The following HNRNPC variants were observed in gnomAD, a reference collection of about 807,000 sequenced individuals.
HNRNPC encodes the protein heterogeneous nuclear ribonucleoproteins C1/C2.
A neutral mutation model predicts 33.2 loss-of-function variants in HNRNPC; 3 were observed. The ratio of observed to expected loss-of-function variants is 0.09; its 90% CI spans 0.04 to 0.23. HNRNPC has a LOEUF of 0.23. Ranked by LOEUF, HNRNPC falls within the 10% of genes least tolerant of loss-of-function variation. The pLI is 1.00. For synonymous variants in HNRNPC, 121 were observed against 126.7 expected, an observed-to-expected ratio of 0.96 and a Z score of 0.30; for missense variants, 143 against 366.7, an observed-to-expected ratio of 0.39 and a Z score of 4.98.
At chr14:21,211,672 C>T in intron 7 of HNRNPC, 106 bp from the exon 8 acceptor site, 1 of 1,438,296 alleles carries the variant, frequency 7.0e-7, no homozygotes, top group Non-Finnish European at 9.6e-7. Context: ...AATCCTCCCA[C>T]ACAAATACCC....
rs145378627 is a variant in HNRNPC at position 21,240,190 on chromosome 14, G to C, written c.-36-5961C>G. ...TAGTGGGAAGGACAAGAAATTTCCT[G>C]AATATAGAAATTTGCCTCTACTCGC... On this transcript the variant is annotated intron_variant, in intron 2 of 8. Transcript: ENST00000553300. Among the ~76,000 whole-genome samples the C allele has an allele frequency of 8.0e-3, 1,211 of 152,210 alleles. 20 individuals carry two copies. Among genetic ancestry groups the C allele is most frequent in the African/African-American group, 0.028 (1,156 of 41,514 alleles).
intron 2 of HNRNPC, among the ~76,000 whole-genome samples, chr14:21,251,580 G>A (rs1341938758): frequency 6.6e-6 from 1 of 152,048 alleles, no homozygotes; most frequent in Non-Finnish European, 1.5e-5. Context: ...TACTTGGGAG[G>A]ATGAGGCAGG....
At chr14:21,266,128 T>C (rs1312925992) in intron 1 of HNRNPC, among the ~76,000 whole-genome samples, 3 of 152,184 alleles carry the variant, frequency 2.0e-5, no homozygotes, top group Admixed American at 6.5e-5. Flanking sequence ...TTTTTTGAGA[T>C]GGGGTCTCAC....
intron 4 of HNRNPC, 93 bp downstream of exon 4, chr14:21,230,902 AAG>A: frequency 7.1e-7 from 1 of 1,399,744 alleles, no homozygotes; most frequent in Non-Finnish European, 1.0e-6. Flanking sequence ...AGAAAACAGA[AAG>A]AGAAGATGCC....
rs1205782078 is a variant in HNRNPC at position 21,234,101 on chromosome 14, A to G, written c.93T>C (p.Ser31=). ...GNLNTLVVKK[S]DVEAIFSKYG... ...ACTTCGAAAAGATTGCCTCCACATC[A>G]GATTTCTTGACCACAAGAGTGTTGA... Residue 31 remains serine (S), a synonymous_variant, in exon 3 of 9, where the codon TCT becomes TCC. Coordinates refer to ENST00000553300, the MANE Select transcript of HNRNPC (RefSeq NM_004500.4). The G allele has an allele frequency of 9.9e-6, 16 of 1,614,024 alleles. No individual in the cohort carries two copies. The highest frequency in any genetic ancestry group is 1.4e-5 in the Non-Finnish European group (16 of 1,179,924).
In HNRNPC at chr14:21,211,571, G is replaced by A. The variant is rs373794451; in HGVS notation, c.638-5C>T. The A allele has an allele frequency of 1.2e-5, 20 of 1,601,110 alleles. No individual in the cohort carries two copies. The highest frequency in any genetic ancestry group is 1.7e-5 in the Admixed American group (1 of 58,554). On this transcript the variant is annotated splice_polypyrimidine_tract_variant and splice_region_variant and intron_variant, in intron 7 of 8. Transcript: ENST00000553300. ...ACTTATCATTCTTCATCTCTACTGC[G>A]GATGAGAAGGACAAGTCTGTCTAGG...
intron 2 of HNRNPC, among the ~76,000 whole-genome samples, chr14:21,246,884 CA>C (rs756281270): frequency 6.6e-6 from 1 of 152,164 alleles, no homozygotes; most frequent in Non-Finnish European, 1.5e-5. Context: ...TTCTACTTAA[CA>C]AAGTCAATAT....
intron 2 of HNRNPC, among the ~76,000 whole-genome samples, chr14:21,243,840 A>C (rs1895641348): frequency 6.6e-6 from 1 of 152,180 alleles, no homozygotes; most frequent in South Asian, 2.1e-4. Context: ...ATACTTACTG[A>C]CTGGAAAACA....
chr14:21,258,931 G>C (rs1438704218), intron 2 of HNRNPC, among the ~76,000 whole-genome samples: 1 of 151,954 alleles, frequency 6.6e-6, no homozygotes, highest in Non-Finnish European at 1.5e-5. Flanking sequence ...TGCCCTACTT[G>C]CCCTCTTAGT....
chr14:21,257,224 A>C (rs184532813), intron 2 of HNRNPC, among the ~76,000 whole-genome samples: 20 of 152,306 alleles, frequency 1.3e-4, no homozygotes, highest in African/African-American at 4.6e-4. Flanking sequence ...TGTCGAAATC[A>C]GCTTATAGGT....
At chr14:21,212,866 C>T in intron 6 of HNRNPC, 94 bp downstream of exon 6, 1 of 1,491,216 alleles carries the variant, frequency 6.7e-7, no homozygotes. Flanking sequence ...TTTGAATACA[C>T]AAAGTCATGT....
At chr14:21,246,195 G>T (rs755393197) in intron 2 of HNRNPC, among the ~76,000 whole-genome samples, 1 of 152,016 alleles carries the variant, frequency 6.6e-6, no homozygotes, top group Non-Finnish European at 1.5e-5. Context: ...TGCAGCACAC[G>T]GCTCTATATT....
intron 3 of HNRNPC, 66 bp from the exon 4 acceptor site, chr14:21,231,138 ATTTT>A: frequency 2.1e-6 from 3 of 1,461,514 alleles, no homozygotes; most frequent in Non-Finnish European, 1.9e-6. Context: ...TACAAAGTTT[ATTTT>A]TTTTATTTTT....
chr14:21,254,764 G>C (rs1375174918), intron 2 of HNRNPC, among the ~76,000 whole-genome samples: 1 of 152,096 alleles, frequency 6.6e-6, no homozygotes, highest in Non-Finnish European at 1.5e-5. Flanking sequence ...AAATTAGCCA[G>C]GCGTGGTGGC....
intron 2 of HNRNPC, among the ~76,000 whole-genome samples, chr14:21,244,801 C>G (rs1004373029): frequency 1.3e-5 from 2 of 152,178 alleles, no homozygotes; most frequent in Non-Finnish European, 2.9e-5. Context: ...ACCTGCATAG[C>G]ATGCACAGTA....
At chr14:21,214,746 G>A (rs927607381) in intron 5 of HNRNPC, among the ~76,000 whole-genome samples, 1 of 152,130 alleles carries the variant, frequency 6.6e-6, no homozygotes, top group African/African-American at 2.4e-5. Flanking sequence ...CCAAAATCTT[G>A]CAAAGTATAA....
intron 2 of HNRNPC, among the ~76,000 whole-genome samples, chr14:21,247,329 C>T (rs1223491155): frequency 6.6e-6 from 1 of 152,062 alleles, no homozygotes; most frequent in African/African-American, 2.4e-5. Flanking sequence ...ATAAACAACC[C>T]CTCTCAATTA....
intron 5 of HNRNPC, among the ~76,000 whole-genome samples, chr14:21,214,166 G>A (rs1458787333): frequency 6.6e-6 from 1 of 152,076 alleles, no homozygotes; most frequent in African/African-American, 2.4e-5. Flanking sequence ...CAAAGGCCCA[G>A]GTACTCTATA....
chr14:21,236,957 A>T (rs1022429233), intron 2 of HNRNPC, among the ~76,000 whole-genome samples: 3 of 152,226 alleles, frequency 2.0e-5, no homozygotes, highest in Non-Finnish European at 4.4e-5. Context: ...AATAAAAGGT[A>T]AGCAACTTGG....
Sources: allele counts gnomAD v4.1 joint callset (sites outside exome capture counted in the v4.1 genomes callset), GRCh38; gene constraint gnomAD v4.1.1; transcripts MANE v1.5; gene names NCBI Gene and HGNC (gene_info 2026-07-23, HGNC 2026-07-21).